PRKCE: variants seen among roughly 807,000 people sequenced by gnomAD.
The protein encoded by PRKCE is protein kinase C epsilon.
PRKCE carries 16 observed loss-of-function variants against 85.4 expected under a neutral mutation model. The ratio of observed to expected loss-of-function variants is 0.19; its 90% CI spans 0.13 to 0.28. The LOEUF is 0.28. Ranked by LOEUF, PRKCE falls within the 10% of genes least tolerant of loss-of-function variation. PRKCE has a pLI of 1.00. For missense variants in PRKCE, 573 were observed against 975.2 expected (o/e 0.59, Z 5.49); for synonymous variants, 388 against 371.5 (o/e 1.04, Z -0.51).
chr2:45,771,702 C>CGT (rs61209033), intron 1 of PRKCE, among the ~76,000 whole-genome samples: 6,678 of 146,784 alleles, frequency 0.045, 304 homozygotes, highest in Admixed American at 0.13. Flanking sequence ...CAGAGTGGGG[C>CGT]GTGTGTGTGT....
chr2:45,700,148 A>G (rs992898105), intron 1 of PRKCE, among the ~76,000 whole-genome samples: 9 of 151,338 alleles, frequency 5.9e-5, no homozygotes, highest in Non-Finnish European at 1.2e-4. Flanking sequence ...TTTAAGTAGC[A>G]GAGGGCTAAC....
In PRKCE at chr2:45,878,687, C is replaced by T. The variant is rs547136899; in HGVS notation, c.412+35624C>T. ...TGGTATAGTTGACTCAAATAACCTA[C>T]TCTGCCATTGCCAGAGCTAGAGTTC... On this transcript the variant is annotated intron_variant, in intron 2 of 14. Coordinates refer to ENST00000306156, the MANE Select transcript of PRKCE (RefSeq NM_005400.3). Among the ~76,000 whole-genome samples, 29 of 152,322 alleles carry T rather than the reference C, an allele frequency of 1.9e-4. No homozygotes were observed. The East Asian group carries it at 5.6e-3, about 29-fold the overall frequency.
At chr2:45,654,158 G>A (rs665783) in intron 1 of PRKCE, among the ~76,000 whole-genome samples, 40,478 of 152,212 alleles carry the variant, frequency 0.27, 5,607 homozygotes, top group Non-Finnish European at 0.29. Flanking sequence ...CTTGGACAGT[G>A]GGGCAGAGAG....
chr2:45,668,953 T>C (rs1403866147), intron 1 of PRKCE, among the ~76,000 whole-genome samples: 4 of 152,188 alleles, frequency 2.6e-5, no homozygotes, highest in African/African-American at 9.6e-5. Flanking sequence ...ACTCAGACCT[T>C]ATTTCCCCAA....
intron 1 of PRKCE, among the ~76,000 whole-genome samples, chr2:45,787,474 G>A (rs767583705): frequency 5.5e-4 from 83 of 152,274 alleles, no homozygotes; most frequent in Middle Eastern, 3.4e-3. Context: ...CTGCAGGTGC[G>A]TCTGGGGAGG....
rs867047899 is a variant in PRKCE, at chr2:46,145,074, G to A, written c.1593-19G>A. On this transcript the variant is annotated intron_variant, in intron 11 of 14. Transcript: ENST00000306156. This position sits in a 1 kb window ranked among gnomAD's most constrained non-coding sequence, Gnocchi z 4.6. ...GGGTGAGTGACGTATTGACATTATGGTCCTGGCCTATCTTGCAGGGATTTG... is the reference window on the plus strand; with the variant it reads ...GGGTGAGTGACGTATTGACATTATGATCCTGGCCTATCTTGCAGGGATTTG... 6.3e-7 allele frequency: 1 copy of A among 1,599,656 alleles called. No homozygotes were observed. Among genetic ancestry groups the A allele is most frequent in the Non-Finnish European group, 8.5e-7 (1 of 1,179,900 alleles).
At position 45,991,689 on chromosome 2, in the gene PRKCE, A is replaced by G. The variant is rs550459494; in HGVS notation, c.823+7009A>G. ...TTTTCATGCATATGTGTGAATAATT[A>G]TGAAAGAAAGGCCCACAGAAATCAA... is the stretch of plus-strand genomic sequence containing the variant. On this transcript the variant is annotated intron_variant, in intron 6 of 14. Coordinates refer to ENST00000306156, the MANE Select transcript of PRKCE (RefSeq NM_005400.3). Among the ~76,000 whole-genome samples, 17 of 152,352 alleles carry G rather than the reference A, an allele frequency of 1.1e-4. No individual in the cohort carries two copies. In the South Asian group the frequency reaches 3.3e-3, roughly 30 times the overall value.
intron 2 of PRKCE, among the ~76,000 whole-genome samples, chr2:45,846,030 G>C (rs1444385345): frequency 6.6e-6 from 1 of 152,120 alleles, no homozygotes; most frequent in Non-Finnish European, 1.5e-5. Flanking sequence ...ATACCAAGTA[G>C]CAAACCTGCT....
intron 1 of PRKCE, among the ~76,000 whole-genome samples, chr2:45,815,472 G>T (rs1001425275): frequency 1.3e-5 from 2 of 152,064 alleles, no homozygotes; most frequent in Admixed American, 6.5e-5. Context: ...GTTTGCAATT[G>T]GTTGTCTCCT....
intron 10 of PRKCE, among the ~76,000 whole-genome samples, chr2:46,059,066 G>A (rs1211885948): frequency 3.3e-5 from 5 of 152,142 alleles, no homozygotes; most frequent in Non-Finnish European, 4.4e-5. Flanking sequence ...TGCCTGTAAC[G>A]TGGCAAGACC....
chr2:46,137,128 C>T (rs1237210567), intron 11 of PRKCE, among the ~76,000 whole-genome samples: 1 of 152,302 alleles, frequency 6.6e-6, no homozygotes, highest in East Asian at 1.9e-4. Flanking sequence ...GCAGAGGTTA[C>T]ATCATTCCAT....
intron 2 of PRKCE, among the ~76,000 whole-genome samples, chr2:45,951,854 A>G (rs1700644268): frequency 1.3e-5 from 2 of 152,264 alleles, no homozygotes; most frequent in South Asian, 4.2e-4. Flanking sequence ...GTTTTTTGAG[A>G]CGGAGTCTTG....
At chr2:46,160,292 C>T (rs865851466) in intron 14 of PRKCE, among the ~76,000 whole-genome samples, 6 of 152,238 alleles carry the variant, frequency 3.9e-5, no homozygotes, top group Non-Finnish European at 7.4e-5. Context: ...CCTTCTCTGC[C>T]GCACTCTCCC....
intron 11 of PRKCE, among the ~76,000 whole-genome samples, chr2:46,121,883 G>T (rs938380902): frequency 6.6e-6 from 1 of 152,198 alleles, no homozygotes; most frequent in African/African-American, 2.4e-5. Flanking sequence ...CACTCAGCTG[G>T]ATTTACAGGG....
chr2:45,889,446 C>T (rs897106046), intron 2 of PRKCE, among the ~76,000 whole-genome samples: 5 of 152,170 alleles, frequency 3.3e-5, no homozygotes, highest in African/African-American at 1.2e-4. Context: ...AAATCTCCCA[C>T]TGATTTTGAT....
chr2:45,848,192 T>A (rs1343289096), intron 2 of PRKCE, among the ~76,000 whole-genome samples: 1 of 152,248 alleles, frequency 6.6e-6, no homozygotes, highest in East Asian at 1.9e-4. Context: ...CACTGGAGCT[T>A]CAATTCATAA....
chr2:45,660,825 A>G (rs75155963), intron 1 of PRKCE, among the ~76,000 whole-genome samples: 2,204 of 152,344 alleles, frequency 0.014, 28 homozygotes, highest in Non-Finnish European at 0.021. Context: ...GTTTTCTGTC[A>G]GAAACCATGT....
At chr2:45,966,492 C>A (rs1701738609) in intron 2 of PRKCE, among the ~76,000 whole-genome samples, 1 of 152,102 alleles carries the variant, frequency 6.6e-6, no homozygotes, top group Non-Finnish European at 1.5e-5. Flanking sequence ...TTTGAATAGG[C>A]AGGGTTTGAC....
At chr2:46,161,263 G>A (rs1252216914) in intron 14 of PRKCE, among the ~76,000 whole-genome samples, 1 of 152,236 alleles carries the variant, frequency 6.6e-6, no homozygotes, top group Non-Finnish European at 1.5e-5. Context: ...TGGTAAAATA[G>A]GGGAAGTAGG....
Sources: gnomAD v4.1 joint callset for allele counts (sites outside exome capture counted in the v4.1 genomes callset) on GRCh38, gnomAD v4.1.1 for gene constraint, Gnocchi (gnomAD v3.1) non-coding constraint, MANE v1.5 for transcripts, NCBI Gene and HGNC (gene_info 2026-07-23, HGNC 2026-07-21) for gene names.